Variants in KCNIP1 observed in about 807,000 individuals in gnomAD.
KCNIP1 encodes the protein potassium voltage-gated channel interacting protein 1, also known as A-type potassium channel modulatory protein KCNIP1.
A neutral mutation model predicts 33.0 loss-of-function variants in KCNIP1; 18 were observed. The observed-to-expected ratio is 0.55, with a 90% CI of 0.38 to 0.81. KCNIP1 has a LOEUF of 0.81. Among genes scored for constraint, KCNIP1 ranks in the 30% least tolerant of loss-of-function variants. The pLI is 0.00. For synonymous variants in KCNIP1, 93 were observed against 98.3 expected, an observed-to-expected ratio of 0.95 and a Z score of 0.32; for missense variants, 238 against 271.6, an observed-to-expected ratio of 0.88 and a Z score of 0.87.
chr5:170,466,446 T>G (rs149769731), intron 1 of KCNIP1, among the ~76,000 whole-genome samples: 2 of 152,136 alleles, frequency 1.3e-5, no homozygotes, highest in South Asian at 4.2e-4. Context: ...TAAATACAAT[T>G]TTTAAATGGA....
intron 1 of KCNIP1, among the ~76,000 whole-genome samples, chr5:170,472,595 C>T (rs547040195): frequency 7.1e-6 from 1 of 140,102 alleles, no homozygotes; most frequent in East Asian, 2.4e-4. Context: ...ACCCTCCCCC[C>T]CAAGTCCCCA....
chr5:170,606,739 A>G (rs1025130976), intron 1 of KCNIP1, among the ~76,000 whole-genome samples: 9 of 152,326 alleles, frequency 5.9e-5, no homozygotes, highest in Non-Finnish European at 1.2e-4. Flanking sequence ...CCACCAGTCT[A>G]TGTCCACACG....
At chr5:170,728,231 CTGAAGAAAAGATGAGGCAAGAAAAGATGA>C (rs1354429620) in intron 5 of KCNIP1, among the ~76,000 whole-genome samples, 7 of 152,174 alleles carry the variant, frequency 4.6e-5, no homozygotes, top group South Asian at 2.1e-4. Flanking sequence ...GAGATTCTCA[CTGAAGAAAAGATGAGGCAAGAAAAGATGA>C]TGAAGAAAAG....
chr5:170,615,715 C>T (rs772260182), intron 1 of KCNIP1, among the ~76,000 whole-genome samples: 4 of 152,182 alleles, frequency 2.6e-5, no homozygotes, highest in Non-Finnish European at 5.9e-5. Context: ...CAGACCTCAC[C>T]ACTCATACAC....
At chr5:170,529,718 C>T (rs1299825274) in intron 1 of KCNIP1, among the ~76,000 whole-genome samples, 1 of 152,136 alleles carries the variant, frequency 6.6e-6, no homozygotes, top group African/African-American at 2.4e-5. Flanking sequence ...ATCTTTATTC[C>T]CATTTTACAG....
Position 170,471,907 on chromosome 5 carries a change from T to C in KCNIP1, c.88+117943T>C, listed in dbSNP as rs145301825. 5.2e-3 allele frequency among the ~76,000 whole-genome samples: 794 copies of C among 152,332 alleles called. 10 individuals are homozygous for C. Among genetic ancestry groups the C allele is most frequent in the African/African-American group, 0.018 (730 of 41,572 alleles). On this transcript the variant is annotated intron_variant, in intron 1 of 7. Coordinates refer to the KCNIP1 transcript ENST00000377360. Reference sequence around the variant, plus strand: ...GCCTCACAAGTCATGATACATTTACTGGTTCATTTTTCACATCTCCGTCAG... The same window carrying C: ...GCCTCACAAGTCATGATACATTTACCGGTTCATTTTTCACATCTCCGTCAG...
At chr5:170,462,947 A>G (rs1756536927) in intron 1 of KCNIP1, among the ~76,000 whole-genome samples, 1 of 152,202 alleles carries the variant, frequency 6.6e-6, no homozygotes, top group African/African-American at 2.4e-5. Context: ...AGAGTGACAC[A>G]GTGGACTTTG....
chr5:170,390,517 A>AAAAAAAAAAAAAATATATAT, intron 1 of KCNIP1, among the ~76,000 whole-genome samples: 1 of 74,546 alleles, frequency 1.3e-5, no homozygotes. Context: ...AAAAAAAACA[A>AAAAAAAAAAAAAATATATAT]ATATATATAT....
At chr5:170,544,247 C>T (rs1323874053) in intron 1 of KCNIP1, among the ~76,000 whole-genome samples, 1 of 151,950 alleles carries the variant, frequency 6.6e-6, no homozygotes, top group East Asian at 1.9e-4. Flanking sequence ...AACCCAATTT[C>T]TACTAAAAAT....
At chr5:170,429,062 G>T (rs947838551) in intron 1 of KCNIP1, among the ~76,000 whole-genome samples, 3 of 152,094 alleles carry the variant, frequency 2.0e-5, no homozygotes, top group Non-Finnish European at 4.4e-5. Context: ...CTGCACTGCA[G>T]CCTGGGCAAC....
chr5:170,399,229 A>G (rs1373978886), intron 1 of KCNIP1, among the ~76,000 whole-genome samples: 1 of 152,358 alleles, frequency 6.6e-6, no homozygotes, highest in South Asian at 2.1e-4. Context: ...ATATCCGGAC[A>G]TTGTACAGGC....
intron 1 of KCNIP1, among the ~76,000 whole-genome samples, chr5:170,543,074 G>A (rs1697901259): frequency 6.6e-6 from 1 of 152,170 alleles, no homozygotes; most frequent in South Asian, 2.1e-4. Context: ...GGCCTCTTTT[G>A]TAAGGGTACT....
At chr5:170,607,938 T>TG (rs946918849) in intron 1 of KCNIP1, among the ~76,000 whole-genome samples, 3 of 152,216 alleles carry the variant, frequency 2.0e-5, no homozygotes, top group African/African-American at 7.2e-5. Flanking sequence ...AGAATGAATT[T>TG]GGGGGGCTGT....
intron 3 of KCNIP1, among the ~76,000 whole-genome samples, chr5:170,721,556 A>G (rs1397141462): frequency 6.6e-6 from 1 of 152,112 alleles, no homozygotes; most frequent in African/African-American, 2.4e-5. Flanking sequence ...TCACTGTGCC[A>G]TTCATACACC....
chr5:170,483,242 G>A (rs1757015607), intron 1 of KCNIP1: 4 of 304,918 alleles, frequency 1.3e-5, no homozygotes, highest in South Asian at 1.1e-4. Context: ...ACACCCTAGG[G>A]TGATCCCAGG....
chr5:170,572,626 C>T (rs1350927253), intron 1 of KCNIP1, among the ~76,000 whole-genome samples: 2 of 152,230 alleles, frequency 1.3e-5, no homozygotes, highest in East Asian at 1.9e-4. Flanking sequence ...TTAATCGCCT[C>T]TCAGTTTTCA....
chr5:170,718,289 G>T (rs1293767563), intron 1 of KCNIP1, among the ~76,000 whole-genome samples: 1 of 152,086 alleles, frequency 6.6e-6, no homozygotes, highest in African/African-American at 2.4e-5. Context: ...TGAACTTTCT[G>T]CTAAATCATG....
chr5:170,669,573 G>T, intron 1 of KCNIP1: 1 of 985,340 alleles, frequency 1.0e-6, no homozygotes, highest in African/African-American at 1.7e-5. Context: ...CCAGCAGCAG[G>T]GGATGGAGTG....
chr5:170,517,817 G>A (rs111163348), intron 1 of KCNIP1, among the ~76,000 whole-genome samples: 44 of 93,962 alleles, frequency 4.7e-4, no homozygotes, highest in East Asian at 1.4e-3. Flanking sequence ...GATGGTGGTG[G>A]TTATGGAGGT....
Sources: allele counts gnomAD v4.1 joint callset (sites outside exome capture counted in the v4.1 genomes callset), GRCh38; gene constraint gnomAD v4.1.1; transcripts MANE v1.5; gene names NCBI Gene and HGNC (gene_info 2026-07-23, HGNC 2026-07-21).